Variants in ZDHHC6 observed in about 807,000 individuals in gnomAD.
ZDHHC6 encodes palmitoyltransferase ZDHHC6.
A neutral mutation model predicts 57.8 loss-of-function variants in ZDHHC6; 32 were observed. The ratio of observed to expected loss-of-function variants is 0.55; its 90% CI spans 0.42 to 0.74. ZDHHC6 has a LOEUF of 0.74. Ranked by LOEUF, ZDHHC6 falls within the 30% of genes least tolerant of loss-of-function variation. The pLI is 0.00. For synonymous variants in ZDHHC6, 128 were observed against 158.0 expected, an observed-to-expected ratio of 0.81 and a Z score of 1.42; for missense variants, 433 against 500.7, an observed-to-expected ratio of 0.86 and a Z score of 1.29.
intron 3 of ZDHHC6, among the ~76,000 whole-genome samples, chr10:112,443,103 G>A (rs566630766): frequency 1.3e-5 from 2 of 152,260 alleles, no homozygotes; most frequent in African/African-American, 4.8e-5. Flanking sequence ...TGTGTATAAA[G>A]TGTAAATGTT....
downstream of ZDHHC6, chr10:112,426,175 A>C: frequency 9.3e-7 from 1 of 1,079,674 alleles, no homozygotes; most frequent in African/African-American, 1.6e-5. Flanking sequence ...TTACAATGAC[A>C]TAATTCTGCT....
intron 7 of ZDHHC6, among the ~76,000 whole-genome samples, chr10:112,433,915 G>A (rs1032045570): frequency 2.6e-5 from 4 of 152,166 alleles, no homozygotes; most frequent in African/African-American, 9.7e-5. Context: ...CTTTATGGAA[G>A]AGGTAAGACT....
rs1216624755 is a variant in ZDHHC6, at chr10:112,432,442, G to C, written c.1025C>G (p.Pro342Arg). ...CTGTATTCGAGGCTCTTCGGTGCAG[G>C]GACTTGTGAAGAAGGTTTTGATTCC... ...NKGIKTFFTS[P>R]CTEEPRIQLQ... The change falls in exon 9 of 11, where the codon CCC (proline) becomes CGC (arginine). Residue 342 changes from proline (P) to arginine (R), a missense_variant. Transcript: ENST00000369405. 1.2e-6 allele frequency: 2 copies of C among 1,613,994 alleles called. No homozygotes were observed. The highest frequency in any genetic ancestry group is 1.7e-6 in the Non-Finnish European group (2 of 1,180,032).
At chr10:112,429,083 G>A (rs1284189997), downstream of ZDHHC6, among the ~76,000 whole-genome samples, 1 of 152,036 alleles carries the variant, frequency 6.6e-6, no homozygotes, top group Non-Finnish European at 1.5e-5. Flanking sequence ...TTCTTTTCTG[G>A]CCTCCAACTG....
At chr10:112,439,627 C>CCAAAAAAAAAAAAAA (rs1845891575) in intron 5 of ZDHHC6, among the ~76,000 whole-genome samples, 1 of 27,008 alleles carries the variant, frequency 3.7e-5, no homozygotes, top group African/African-American at 2.0e-4. Context: ...GAGACTCCGT[C>CCAAAAAAAAAAAAAA]TAAAAAAAAA....
At chr10:112,445,767 A>G in intron 1 of ZDHHC6, 117 bp from the exon 2 acceptor site, 1 of 421,778 alleles carries the variant, frequency 2.4e-6, no homozygotes, top group Admixed American at 3.9e-5. Context: ...CAAGTGCACT[A>G]CACTTTGGGA....
chr10:112,433,302 G>T, intron 7 of ZDHHC6, 21 bp from the exon 8 acceptor site: 1 of 1,541,962 alleles, frequency 6.5e-7, no homozygotes, highest in East Asian at 2.3e-5. Flanking sequence ...GAAATAAAAA[G>T]AAAAAAATGA....
At chr10:112,425,050 A>G (rs1035378973) in exon 12 of ZDHHC6, 3 of 240,812 alleles carry the variant, frequency 1.2e-5, no homozygotes, top group African/African-American at 6.7e-5. Flanking sequence ...GAGCTGTGCA[A>G]TTTCTTCCTT....
chr10:112,442,628 A>G (rs545332931), intron 3 of ZDHHC6, among the ~76,000 whole-genome samples: 19 of 152,300 alleles, frequency 1.2e-4, no homozygotes, highest in African/African-American at 4.3e-4. Flanking sequence ...CAGGAGACCC[A>G]CTGAAAGAGG....
chr10:112,443,611 G>T lies in ZDHHC6; in HGVS notation c.268-5C>A. 6.2e-7 allele frequency: 1 copy of T among 1,609,110 alleles called. No individual in the cohort carries two copies. The highest frequency in any genetic ancestry group is 8.5e-7 in the Non-Finnish European group (1 of 1,176,814). On this transcript the variant is annotated splice_region_variant and splice_polypyrimidine_tract_variant and intron_variant, in intron 2 of 10. Coordinates refer to ENST00000369405, the MANE Select transcript of ZDHHC6 (RefSeq NM_022494.3). ...CATGGTATCCTGAGAAATTTCCTTGGCAGCAAAACAGAAACAAAAATGCAT... is the reference window on the plus strand; with the variant it reads ...CATGGTATCCTGAGAAATTTCCTTGTCAGCAAAACAGAAACAAAAATGCAT...
At chr10:112,427,413 A>T (rs1589708517), downstream of ZDHHC6, 2 of 1,471,022 alleles carry the variant, frequency 1.4e-6, no homozygotes, top group Admixed American at 4.8e-5. Context: ...GAGAAAATGG[A>T]TTAAAAACTA....
At chr10:112,447,413 G>T (rs1213203488), upstream of ZDHHC6, 3 of 1,613,742 alleles carry the variant, frequency 1.9e-6, no homozygotes, top group Non-Finnish European at 2.5e-6. Flanking sequence ...GGACTTCGCG[G>T]TGCTCACTGC....
rs1319681117 is a variant in ZDHHC6, at chr10:112,431,012, CT to C, written c.1139-106del. Reference sequence around the variant, plus strand: ...TCAAATTAATAAGCTTGTAGTTAGACTTTTATTCCCCACTTTGCTATCTATT... The same window carrying C: ...TCAAATTAATAAGCTTGTAGTTAGACTTTATTCCCCACTTTGCTATCTATT... On this transcript the variant is annotated intron_variant, in intron 10 of 10. Coordinates refer to ENST00000369405, the MANE Select transcript of ZDHHC6 (RefSeq NM_022494.3). 5.7e-6 allele frequency: 5 copies of C among 879,020 alleles called. No homozygotes were observed. In the African/African-American group the frequency reaches 8.4e-5, roughly 15 times the overall value. 54.5% of individuals were successfully genotyped at this position (879,020 alleles called of 1,614,324 possible).
upstream of ZDHHC6, chr10:112,447,046 G>A (rs1330375622): frequency 2.2e-5 from 7 of 312,178 alleles, no homozygotes; most frequent in Non-Finnish European, 4.4e-5. Flanking sequence ...AACACGAAGG[G>A]GGGAAAAAAC....
At chr10:112,444,071 C>G (rs72821869) in intron 2 of ZDHHC6, among the ~76,000 whole-genome samples, 1 of 151,986 alleles carries the variant, frequency 6.6e-6, no homozygotes, top group Non-Finnish European at 1.5e-5. Context: ...CAGCACAAAC[C>G]GTGTATTGTC....
At chr10:112,434,485 A>G in intron 6 of ZDHHC6, 21 bp from the exon 7 acceptor site, 8 of 1,601,766 alleles carry the variant, frequency 5.0e-6, no homozygotes, top group Non-Finnish European at 6.8e-6. Flanking sequence ...CAAAGATATA[A>G]GATGGCAGGT....
At chr10:112,445,995 C>T (rs1364818266) in intron 1 of ZDHHC6, among the ~76,000 whole-genome samples, 1 of 152,182 alleles carries the variant, frequency 6.6e-6, no homozygotes, top group Non-Finnish European at 1.5e-5. Context: ...TTTCCTTCTT[C>T]ATAGAACAGA....
chr10:112,442,955 C>A (rs919024883), intron 3 of ZDHHC6, among the ~76,000 whole-genome samples: 1 of 152,092 alleles, frequency 6.6e-6, no homozygotes, highest in Non-Finnish European at 1.5e-5. Context: ...TTCAACGGTT[C>A]TCTAAATTTC....
chr10:112,429,239 C>T (rs1373168553), downstream of ZDHHC6, among the ~76,000 whole-genome samples: 10 of 152,160 alleles, frequency 6.6e-5, no homozygotes, highest in African/African-American at 1.9e-4. Flanking sequence ...TTAACTTTCT[C>T]GCCTTCACTT....
Sources: gnomAD v4.1 joint callset for allele counts (sites outside exome capture counted in the v4.1 genomes callset) on GRCh38, gnomAD v4.1.1 for gene constraint, MANE v1.5 for transcripts, NCBI Gene and HGNC (gene_info 2026-07-23, HGNC 2026-07-21) for gene names.